METTL24: variants seen among roughly 807,000 people sequenced by gnomAD.
The protein encoded by METTL24 is probable methyltransferase-like protein 24.
In METTL24, 29 loss-of-function variants were observed where a neutral mutation model predicts 32.7. The observed-to-expected ratio is 0.89, with a 90% confidence interval of 0.66 to 1.21. METTL24 has a LOEUF of 1.21. METTL24 is among the 50% of genes most tolerant of loss of function. The probability of loss-of-function intolerance (pLI) is 0.00; values close to 1 mark genes in which losing one functional copy is unlikely to be tolerated. For missense variants in METTL24, 439 were observed against 468.1 expected, an observed-to-expected ratio of 0.94 and a Z score of 0.57; for synonymous variants, 163 against 179.5, an observed-to-expected ratio of 0.91 and a Z score of 0.73.
intron 4 of METTL24, among the ~76,000 whole-genome samples, chr6:110,269,646 G>T (rs370687719): frequency 6.6e-6 from 1 of 151,182 alleles, no homozygotes; most frequent in Admixed American, 6.6e-5. Context: ...AAGTTTTTTT[G>T]TTTGTTTGTT....
chr6:110,351,942 T>C (rs1772611720), intron 1 of METTL24, among the ~76,000 whole-genome samples: 1 of 152,262 alleles, frequency 6.6e-6, no homozygotes, highest in South Asian at 2.1e-4. Context: ...TCCCAATAAA[T>C]TTAATTCTAA....
intron 1 of METTL24, among the ~76,000 whole-genome samples, chr6:110,325,177 A>G (rs1249035400): frequency 6.6e-6 from 1 of 152,128 alleles, no homozygotes; most frequent in African/African-American, 2.4e-5. Flanking sequence ...GTCATGGACC[A>G]CTCACAAGGG....
At chr6:110,299,218 T>C (rs1245704340) in intron 3 of METTL24, 68 bp from the exon 4 acceptor site, 10 of 1,427,784 alleles carry the variant, frequency 7.0e-6, no homozygotes, top group Non-Finnish European at 9.8e-6. Context: ...ACTAACAAGA[T>C]GACAGTTCCA....
At chr6:110,307,922 G>A (rs921218778) in intron 3 of METTL24, among the ~76,000 whole-genome samples, 3 of 152,096 alleles carry the variant, frequency 2.0e-5, no homozygotes, top group Non-Finnish European at 2.9e-5. Flanking sequence ...TTAATGCTGG[G>A]GTTAGAAGTA....
At chr6:110,258,941 T>A (rs943610556) in intron 4 of METTL24, among the ~76,000 whole-genome samples, 10 of 152,156 alleles carry the variant, frequency 6.6e-5, no homozygotes, top group Admixed American at 6.5e-5. Context: ...ACAGCCACAA[T>A]ATTTTAGAAA....
At chr6:110,335,376 T>C (rs1772196968) in intron 1 of METTL24, among the ~76,000 whole-genome samples, 2 of 152,156 alleles carry the variant, frequency 1.3e-5, no homozygotes, top group South Asian at 4.1e-4. Flanking sequence ...ACATAGCAGA[T>C]CTAAGCTGAT....
intron 4 of METTL24, 49 bp from the exon 5 acceptor site, chr6:110,246,309 T>G: frequency 1.4e-6 from 2 of 1,476,070 alleles, no homozygotes; most frequent in Non-Finnish European, 1.8e-6. Context: ...AAAACTATCT[T>G]GATATCAGGA....
At chr6:110,302,051 A>G (rs56367043) in intron 3 of METTL24, among the ~76,000 whole-genome samples, 40,788 of 151,990 alleles carry the variant, frequency 0.27, 8,993 homozygotes, top group African/African-American at 0.61. Flanking sequence ...CGAGGTGGGC[A>G]GATCACGAGG....
chr6:110,316,317 G>A (rs1265446895), intron 2 of METTL24, among the ~76,000 whole-genome samples: 1 of 151,830 alleles, frequency 6.6e-6, no homozygotes, highest in Non-Finnish European at 1.5e-5. Context: ...ACTTCATAAG[G>A]GATTCTGACT....
At chr6:110,274,828 C>G (rs1771020005) in intron 4 of METTL24, among the ~76,000 whole-genome samples, 1 of 133,794 alleles carries the variant, frequency 7.5e-6, no homozygotes, top group African/African-American at 2.9e-5. Context: ...TTTGAGACAG[C>G]CTCACTGTCA....
chr6:110,323,735 G>A (rs1268810997), intron 1 of METTL24, among the ~76,000 whole-genome samples: 6 of 152,032 alleles, frequency 3.9e-5, no homozygotes, highest in East Asian at 1.9e-4. Flanking sequence ...GGGACGGCTC[G>A]TGCAGGGTAG....
chr6:110,270,313 G>A (rs1770932407), intron 4 of METTL24, among the ~76,000 whole-genome samples: 1 of 151,980 alleles, frequency 6.6e-6, no homozygotes, highest in African/African-American at 2.4e-5. Context: ...GCTGATGCCT[G>A]GGAGGTTTCA....
chr6:110,304,283 C>T (rs1285356553), intron 3 of METTL24, among the ~76,000 whole-genome samples: 2 of 152,074 alleles, frequency 1.3e-5, no homozygotes, highest in African/African-American at 4.8e-5. Flanking sequence ...CACCACTCCT[C>T]GCCAGAAAGG....
intron 1 of METTL24, among the ~76,000 whole-genome samples, chr6:110,325,456 G>T (rs1182998175): frequency 1.3e-5 from 2 of 152,200 alleles, no homozygotes; most frequent in Non-Finnish European, 2.9e-5. Context: ...GATTGGGCCT[G>T]CAAGCTGTAG....
In METTL24 at chr6:110,246,251, G is replaced by C. The variant is rs1778157979; in HGVS notation, c.796C>G (p.Leu266Val). ...NEFGHHKIDV[L>V]KADLESAEWK... ...TCTGCACTTTCCAGATCTGCCTTGA[G>C]AACGTCAATCTGTAACAAAGCAATG... Residue 266 changes from leucine (L) to valine (V), a missense_variant, in exon 5 of 5, where the codon CTC (leucine) becomes GTC (valine). Leu to Val is a conservative substitution (Grantham distance 32). Coordinates refer to ENST00000338882, the MANE Select transcript of METTL24 (RefSeq NM_001123364.3). 2.5e-6 allele frequency: 4 copies of C among 1,606,402 alleles called. No homozygotes were observed. Among genetic ancestry groups the C allele is most frequent in the Non-Finnish European group, 3.4e-6 (4 of 1,175,592 alleles).
intron 1 of METTL24, among the ~76,000 whole-genome samples, chr6:110,353,157 G>A (rs1201150226): frequency 2.6e-5 from 4 of 152,216 alleles, no homozygotes; most frequent in African/African-American, 9.6e-5. Context: ...CTAAGCAACT[G>A]CTATTTCACA....
intron 1 of METTL24, among the ~76,000 whole-genome samples, chr6:110,342,685 C>T (rs1279457903): frequency 2.6e-5 from 4 of 152,278 alleles, no homozygotes; most frequent in African/African-American, 9.6e-5. Context: ...AAAGAAACTC[C>T]TTTCCTAGTA....
At chr6:110,346,928 T>G (rs1229071739) in intron 1 of METTL24, among the ~76,000 whole-genome samples, 1 of 152,250 alleles carries the variant, frequency 6.6e-6, no homozygotes, top group Non-Finnish European at 1.5e-5. Context: ...ATACATTTTT[T>G]TTGACTTTTC....
At chr6:110,290,554 A>G (rs970610320) in intron 4 of METTL24, among the ~76,000 whole-genome samples, 9 of 152,166 alleles carry the variant, frequency 5.9e-5, no homozygotes, top group Admixed American at 5.9e-4. Flanking sequence ...TCCTATATGG[A>G]TGTGTGGTAG....
Sources: allele counts gnomAD v4.1 joint callset (sites outside exome capture counted in the v4.1 genomes callset), GRCh38; gene constraint gnomAD v4.1.1; transcripts MANE v1.5; gene names NCBI Gene and HGNC (gene_info 2026-07-23, HGNC 2026-07-21).